The following WDR75 variants were observed in gnomAD, a reference collection of about 807,000 sequenced individuals.
The protein encoded by WDR75 is WD repeat-containing protein 75.
A neutral mutation model predicts 106.1 loss-of-function variants in WDR75; 52 were observed. The observed-to-expected ratio is 0.49, with a 90% CI of 0.39 to 0.62. The LOEUF (loss-of-function observed/expected upper bound fraction) is 0.62. Ranked by LOEUF, WDR75 falls within the 20% of genes least tolerant of loss-of-function variation. The probability of loss-of-function intolerance (pLI) is 0.00; values close to 1 mark genes in which losing one functional copy is unlikely to be tolerated. For synonymous variants in WDR75, 333 were observed against 335.5 expected (o/e 0.99, Z 0.08); for missense variants, 905 against 970.3 (o/e 0.93, Z 0.89).
chr2:189,455,356 CCTCA>C lies in WDR75; in HGVS notation c.411_414del (p.Ser138AlafsTer4). ...CTGGTTTCAGTGAAACTGCCAAAAT[CCTCA>C]AGCCAGGAAGTAGAAGCCAAGGAGC... On this transcript the variant is annotated frameshift_variant, in exon 5 of 21. Coordinates refer to ENST00000314761, the MANE Select transcript of WDR75 (RefSeq NM_032168.3). LOFTEE classifies it high-confidence loss of function. 1 of 1,614,066 alleles carries C rather than the reference CCTCA, an allele frequency of 6.2e-7. No homozygotes were observed. Among genetic ancestry groups the C allele is most frequent in the Non-Finnish European group, 8.5e-7 (1 of 1,179,984 alleles).
At chr2:189,447,545 G>C (rs80062716) in intron 1 of WDR75, among the ~76,000 whole-genome samples, 3,647 of 152,304 alleles carry the variant, frequency 0.024, 160 homozygotes, top group African/African-American at 0.084. Flanking sequence ...TACTATTGAA[G>C]AGTAATAGTT....
At chr2:189,458,984 G>A in intron 7 of WDR75, 112 bp downstream of exon 7, 2 of 1,287,164 alleles carry the variant, frequency 1.6e-6, no homozygotes, top group Non-Finnish European at 2.1e-6. Flanking sequence ...CCTTTTTTGT[G>A]TGCTTTTCAT....
At chr2:189,451,950 A>G in intron 4 of WDR75, 55 bp downstream of exon 4, 2 of 1,401,858 alleles carry the variant, frequency 1.4e-6, no homozygotes, top group Non-Finnish European at 2.0e-6. Context: ...TACATTTTAC[A>G]GTTCCTCAAA....
Position 189,448,361 on chromosome 2 carries a change from T to A in WDR75, c.87-18T>A, listed in dbSNP as rs1686543347. On this transcript the variant is annotated intron_variant, in intron 1 of 20. Transcript: ENST00000314761. Reference sequence around the variant, plus strand: ...TAATACAGTATGTAAAACTTACTTTTCTTTCTTTTTTTTCCAGGTATATCT... The same window carrying A: ...TAATACAGTATGTAAAACTTACTTTACTTTCTTTTTTTTCCAGGTATATCT... 4 of 1,608,180 alleles carry A rather than the reference T, an allele frequency of 2.5e-6. No homozygotes were observed. The highest frequency in any genetic ancestry group is 3.4e-6 in the Non-Finnish European group (4 of 1,177,504).
chr2:189,455,168 G>C (rs1162414909), intron 4 of WDR75, 152 bp from the exon 5 acceptor site: 1 of 774,504 alleles, frequency 1.3e-6, no homozygotes, highest in Non-Finnish European at 1.9e-6. Context: ...TTGAACCTGG[G>C]AGGCAGAGGT....
intron 2 of WDR75, chr2:189,449,544 A>AGTTTT: frequency 9.2e-7 from 1 of 1,085,732 alleles, no homozygotes; most frequent in Non-Finnish European, 1.1e-6. Context: ...TAGCCAAAAA[A>AGTTTT]ACGTATACAC....
At chr2:189,443,619 A>G (rs754518210) in intron 1 of WDR75, among the ~76,000 whole-genome samples, 2 of 152,200 alleles carry the variant, frequency 1.3e-5, no homozygotes, top group Non-Finnish European at 2.9e-5. Flanking sequence ...CATAAAGTAC[A>G]GTGATGGCAT....
chr2:189,466,706 T>A (rs1036847654), intron 13 of WDR75, 124 bp downstream of exon 13: 2 of 956,848 alleles, frequency 2.1e-6, no homozygotes, highest in African/African-American at 3.4e-5. Context: ...AGGATATTGC[T>A]TAATCTTAAT....
At chr2:189,441,627 C>T in intron 1 of WDR75, 49 bp downstream of exon 1, 1 of 1,540,032 alleles carries the variant, frequency 6.5e-7, no homozygotes, top group South Asian at 1.2e-5. Flanking sequence ...GCGTGAGTTT[C>T]TCGAGGGTCG....
At chr2:189,456,968 G>T (rs1274702185) in intron 5 of WDR75, among the ~76,000 whole-genome samples, 1 of 152,028 alleles carries the variant, frequency 6.6e-6, no homozygotes, top group Admixed American at 6.6e-5. Flanking sequence ...TGGGCCGGGC[G>T]CAGTGGCTCA....
chr2:189,442,598 G>A (rs1396909125), intron 1 of WDR75, among the ~76,000 whole-genome samples: 2 of 151,576 alleles, frequency 1.3e-5, no homozygotes, highest in African/African-American at 2.4e-5. Context: ...TTATAAGCGC[G>A]GGCCACCACG....
intron 19 of WDR75, 44 bp downstream of exon 19, chr2:189,474,376 A>T: frequency 6.4e-7 from 1 of 1,569,290 alleles, no homozygotes; most frequent in Non-Finnish European, 8.6e-7. Flanking sequence ...AAATGCACTT[A>T]AAGCACCTGA....
In WDR75 at chr2:189,474,326, T is replaced by A. The variant is rs1687170864; in HGVS notation, c.2190T>A (p.Ile730=). 1.2e-6 allele frequency: 2 copies of A among 1,607,404 alleles called. No individual in the cohort carries two copies. The highest frequency in any genetic ancestry group is 1.7e-6 in the Non-Finnish European group (2 of 1,178,274). ...QLPLTENIPA[I]SELLHTPAHV... ...CCTTAACAGAAAACATACCCGCAAT[T>A]AGTGAGGTAAGTAATTATGAAAACC... Residue 730 remains isoleucine (I), a synonymous_variant, in exon 19 of 21, where the codon ATT becomes ATA. Coordinates refer to ENST00000314761, the MANE Select transcript of WDR75 (RefSeq NM_032168.3).
intron 14 of WDR75, 62 bp from the exon 15 acceptor site, chr2:189,468,413 G>T (rs1357578480): frequency 1.3e-6 from 2 of 1,510,816 alleles, no homozygotes; most frequent in Admixed American, 1.7e-5. Flanking sequence ...GAAGCCTGCA[G>T]TTCTTTGTAA....
intron 19 of WDR75, 92 bp from the exon 20 acceptor site, chr2:189,474,625 C>T: frequency 8.8e-7 from 1 of 1,132,832 alleles, no homozygotes; most frequent in East Asian, 2.4e-5. Flanking sequence ...TTGGCATTTA[C>T]AATAAAAGGG....
At chr2:189,463,983 T>C (rs1405982654) in intron 11 of WDR75, 22 bp downstream of exon 11, 1 of 1,596,646 alleles carries the variant, frequency 6.3e-7, no homozygotes, top group Non-Finnish European at 8.6e-7. Context: ...ATCATTAGCC[T>C]TGAAATTAAT....
intron 5 of WDR75, among the ~76,000 whole-genome samples, chr2:189,456,084 A>G (rs13015207): frequency 0.8 from 122,151 of 152,142 alleles, 50,516 homozygotes; most frequent in Non-Finnish European, 0.91. Flanking sequence ...CTTAAGTTTT[A>G]TAGCATTATT....
At chr2:189,457,199 C>T (rs1373067157) in intron 5 of WDR75, 112 bp from the exon 6 acceptor site, 1 of 692,618 alleles carries the variant, frequency 1.4e-6, no homozygotes, top group Non-Finnish European at 2.5e-6. Context: ...CGAGATCGCA[C>T]CATCACATTC....
chr2:189,450,638 A>G, intron 2 of WDR75: 1 of 1,260,102 alleles, frequency 7.9e-7, no homozygotes, highest in Non-Finnish European at 9.9e-7. Context: ...CTCATTCAAA[A>G]CCTTACCATC....
Sources: gnomAD v4.1 joint callset for allele counts (sites outside exome capture counted in the v4.1 genomes callset) on GRCh38, gnomAD v4.1.1 for gene constraint, MANE v1.5 for transcripts, NCBI Gene and HGNC (gene_info 2026-07-23, HGNC 2026-07-21) for gene names.